Variants in KMT2A observed in about 807,000 individuals in gnomAD.
KMT2A encodes lysine methyltransferase 2A.
In KMT2A, 16 loss-of-function variants were observed where a neutral mutation model predicts 345.3. The ratio of observed to expected loss-of-function variants is 0.05; its 90% CI spans 0.03 to 0.07. The LOEUF (loss-of-function observed/expected upper bound fraction) is 0.07, where lower values mean the gene tolerates loss of function less well. Among genes scored for constraint, KMT2A ranks in the 10% least tolerant of loss-of-function variants. The probability of loss-of-function intolerance (pLI) is 1.00; values close to 1 mark genes in which losing one functional copy is unlikely to be tolerated. For synonymous variants in KMT2A, 1,599 were observed against 1,778.6 expected (o/e 0.90, Z 2.54); for missense variants, 3,272 against 4,841.6 (o/e 0.68, Z 9.62).
At position 118,436,658 on chromosome 11, in the gene KMT2A, G is replaced by T. The variant is rs1949186893; in HGVS notation, c.146G>T (p.Gly49Val). 1 of 1,187,662 alleles carries T rather than the reference G, an allele frequency of 8.4e-7. No homozygotes were observed. Among genetic ancestry groups the T allele is most frequent in the South Asian group, 4.2e-5 (1 of 24,052 alleles). The allele number at this position is 1,187,662 out of a possible 1,614,324, so 73.6% of individuals were successfully genotyped here. A position where few individuals can be genotyped will look rare whatever the true frequency, so the allele number is the denominator to read the frequency against. Reference sequence around the variant, plus strand: ...CCCCCCGGGCCCCCGGTCGGCGGTGGCGGCCCCGGGGCGCCCCCCTCCCCC... The same window carrying T: ...CCCCCCGGGCCCCCGGTCGGCGGTGTCGGCCCCGGGGCGCCCCCCTCCCCC... ...LLPPGPPVGG[G>V]GPGAPPSPPA... The change falls in exon 1 of 36, where the codon GGC becomes GTC. Residue 49 changes from glycine to valine, a missense_variant. Gly to Val is a moderately radical substitution (Grantham distance 109, BLOSUM62 -3). Transcript: ENST00000534358. This position sits in a 1 kb window ranked among gnomAD's most constrained non-coding sequence, Gnocchi z 6.9.
At chr11:118,513,811 C>T (rs577621721) in intron 31 of KMT2A, among the ~76,000 whole-genome samples, 10 of 151,382 alleles carry the variant, frequency 6.6e-5, no homozygotes, top group Non-Finnish European at 1.3e-4. Context: ...ATGGCTCATG[C>T]CTGTGGTCCC....
chr11:118,483,084 T>C (rs1555039789), intron 8 of KMT2A, among the ~76,000 whole-genome samples: 1 of 149,158 alleles, frequency 6.7e-6, no homozygotes, highest in African/African-American at 2.5e-5. Context: ...AATACAAAAA[T>C]TAGCCGGTTG....
chr11:118,520,868 G>A lies in KMT2A; in HGVS notation c.11496G>A (p.Glu3832=). The A allele has an allele frequency of 6.2e-7, 1 of 1,613,218 alleles. No individual in the cohort carries two copies. Among genetic ancestry groups the A allele is most frequent in the Non-Finnish European group, 8.5e-7 (1 of 1,179,186 alleles). The change falls in exon 34 of 36, where the codon GAG becomes GAA. Residue 3832 remains glutamate, a synonymous_variant. Coordinates refer to ENST00000534358, the MANE Select transcript of KMT2A (RefSeq NM_001197104.2). The surrounding 1 kb of genome is among the most constrained non-coding windows in gnomAD (Gnocchi z 4.3). ...GGCACTTAAAAAAGACTTCTAAGGA[G>A]GCAGTTGGTGTCTACAGGTATGACT... ...RFRHLKKTSK[E]AVGVYRSPIH...
At chr11:118,478,254 T>A (rs1591381283) in intron 5 of KMT2A, 53 bp downstream of exon 5, 2 of 1,347,342 alleles carry the variant, frequency 1.5e-6, no homozygotes, top group Admixed American at 1.9e-5. Flanking sequence ...AAAGGTTGCT[T>A]ATTTATCCCT....
rs781797746 is a variant in KMT2A at position 118,510,048 on chromosome 11, A to G, written c.11001A>G (p.Lys3667=). The change falls in exon 30 of 36, where the codon AAA becomes AAG. Residue 3667 remains lysine, a synonymous_variant. Transcript: ENST00000534358. This position sits in a 1 kb window ranked among gnomAD's most constrained non-coding sequence, Gnocchi z 4.1. The part of the protein sequence containing the change: ...QKRKESITEK[K]PKKGLVFEIS... Reference sequence around the variant, plus strand: ...GGAAGGAAAGCATTACTGAGAAAAAACCCAAGAAAGGACTTGTTTTTGAAA... The same window carrying G: ...GGAAGGAAAGCATTACTGAGAAAAAGCCCAAGAAAGGACTTGTTTTTGAAA... 6.2e-7 allele frequency: 1 copy of G among 1,614,000 alleles called. No homozygotes were observed. The highest frequency in any genetic ancestry group is 1.3e-5 in the African/African-American group (1 of 75,058).
At position 118,476,156 on chromosome 11, in the gene KMT2A, C is replaced by T. The variant is rs1469693330; in HGVS notation, c.3157-649C>T. ...CCGACCTCAGGTGATCTACCCGCCT[C>T]GGCCTCCCAAAGTGCTGGGAGTTGC... is the stretch of plus-strand genomic sequence containing the variant. On this transcript the variant is annotated intron_variant, in intron 3 of 35. Coordinates refer to ENST00000534358, the MANE Select transcript of KMT2A (RefSeq NM_001197104.2). The surrounding 1 kb of genome is among the most constrained non-coding windows in gnomAD (Gnocchi z 4.1). Among the ~76,000 whole-genome samples the T allele has an allele frequency of 2.6e-5, 4 of 152,268 alleles. No homozygotes were observed. The highest frequency in any genetic ancestry group is 3.9e-4 in the East Asian group (2 of 5,172).
At chr11:118,452,868 G>C (rs531632658) in intron 1 of KMT2A, among the ~76,000 whole-genome samples, 1 of 151,480 alleles carries the variant, frequency 6.6e-6, no homozygotes, top group African/African-American at 2.4e-5. Flanking sequence ...TCCTGACCTC[G>C]TGATCTGCCC....
At chr11:118,439,158 CAAAAAAA>C (rs34166714) in intron 1 of KMT2A, 2 of 265,446 alleles carry the variant, frequency 7.5e-6, no homozygotes, top group Non-Finnish European at 1.5e-5. Context: ...GATACAGCAG[CAAAAAAA>C]AAAAAAAAGA....
rs782329968 is a variant in KMT2A at position 118,473,627 on chromosome 11, C to T, written c.2468C>T (p.Pro823Leu). Reference sequence around the variant, plus strand: ...AGACCAAGGAAGCAGACTAGTGCTCCGGCAGAGCCATTTTCATCAAGTAGT... The same window carrying T: ...AGACCAAGGAAGCAGACTAGTGCTCTGGCAGAGCCATTTTCATCAAGTAGT... ...NQRPRKQTSA[P>L]AEPFSSSSPT... The change falls in exon 3 of 36, where the codon CCG becomes CTG. Residue 823 changes from proline to leucine, a missense_variant. Physicochemically the swap from Pro to Leu is moderately conservative, Grantham distance 98. Transcript: ENST00000534358. The surrounding 1 kb of genome is among the most constrained non-coding windows in gnomAD (Gnocchi z 5.2). 6.8e-6 allele frequency: 11 copies of T among 1,614,040 alleles called. No individual in the cohort carries two copies. Among genetic ancestry groups the T allele is most frequent in the Middle Eastern group, 1.6e-4 (1 of 6,062 alleles).
intron 1 of KMT2A, among the ~76,000 whole-genome samples, chr11:118,443,408 T>C (rs1555026395): frequency 6.6e-6 from 1 of 152,204 alleles, no homozygotes; most frequent in Non-Finnish European, 1.5e-5. Context: ...GTTTTTTACC[T>C]TGTCAGGTTA....
At position 118,502,627 on chromosome 11, in the gene KMT2A, A is replaced by G. The variant is rs1555046136; in HGVS notation, c.6735A>G (p.Val2245=). Residue 2245 remains valine (V), a synonymous_variant, in exon 27 of 36, where the codon GTA becomes GTG. Transcript: ENST00000534358. The surrounding 1 kb of genome is among the most constrained non-coding windows in gnomAD (Gnocchi z 4.9). ...TATDLESSAK[V]VDHVLGPLNS... ...CTGATCTTGAATCAAGTGCCAAAGT[A>G]GTTGATCATGTCTTAGGGCCACTGA... 3 of 1,614,194 alleles carry G rather than the reference A, an allele frequency of 1.9e-6. No homozygotes were observed. The South Asian group carries it at 3.3e-5, about 18-fold the overall frequency.
At chr11:118,508,654 T>G (rs1201703121) in intron 28 of KMT2A, among the ~76,000 whole-genome samples, 1 of 150,916 alleles carries the variant, frequency 6.6e-6, no homozygotes, top group African/African-American at 2.4e-5. Flanking sequence ...GCCTGGGAGT[T>G]GGAGGATGCA....
At chr11:118,512,274 A>C (rs1591295380) in intron 31 of KMT2A, 1 of 515,336 alleles carries the variant, frequency 1.9e-6, no homozygotes, top group Non-Finnish European at 3.4e-6. Context: ...CCTAAAAGAA[A>C]CCCCCTATTC....
At chr11:118,480,029 C>T (rs550409787) in intron 5 of KMT2A, 145 bp from the exon 6 acceptor site, 2 of 623,054 alleles carry the variant, frequency 3.2e-6, no homozygotes, top group Non-Finnish European at 5.6e-6. Flanking sequence ...CAGATTTAAT[C>T]TGAGTAATGA....
intron 31 of KMT2A, among the ~76,000 whole-genome samples, chr11:118,517,222 C>T (rs1478776764): frequency 3.3e-5 from 5 of 151,522 alleles, no homozygotes; most frequent in Admixed American, 1.3e-4. Flanking sequence ...AGTGAAACCC[C>T]GTCTCTACTA....
At chr11:118,488,558 T>G in intron 10 of KMT2A, 56 bp from the exon 11 acceptor site, 1 of 1,582,316 alleles carries the variant, frequency 6.3e-7, no homozygotes, top group Admixed American at 1.7e-5. Context: ...TATGGTTGAT[T>G]ATGTTTTTCT....
chr11:118,442,770 G>A (rs781987936), intron 1 of KMT2A, among the ~76,000 whole-genome samples: 9 of 152,156 alleles, frequency 5.9e-5, no homozygotes, highest in Non-Finnish European at 1.0e-4. Context: ...AGTATTTTCA[G>A]AATAAGATAA....
intron 31 of KMT2A, among the ~76,000 whole-genome samples, chr11:118,517,401 A>G (rs1950842192): frequency 6.6e-6 from 1 of 151,180 alleles, no homozygotes; most frequent in South Asian, 2.1e-4. Flanking sequence ...GTCTCAAAAA[A>G]AAAAAAAAAA....
chr11:118,500,774 T>C, intron 24 of KMT2A: 1 of 400,334 alleles, frequency 2.5e-6, no homozygotes. Flanking sequence ...AAAAAGATCT[T>C]AGGCTATTTT....
Sources: gnomAD v4.1 joint callset for allele counts (sites outside exome capture counted in the v4.1 genomes callset) on GRCh38, gnomAD v4.1.1 for gene constraint, Gnocchi (gnomAD v3.1) non-coding constraint, MANE v1.5 for transcripts, NCBI Gene and HGNC (gene_info 2026-07-23, HGNC 2026-07-21) for gene names.